Variants in VAMP7 observed in about 807,000 individuals in gnomAD.
The protein encoded by VAMP7 is vesicle associated membrane protein 7, also known as vesicle-associated membrane protein 7.
In VAMP7, 14 loss-of-function variants were observed where a neutral mutation model predicts 29.6. That is an observed-to-expected ratio of 0.47 (90% CI 0.31 to 0.74). VAMP7 has a LOEUF of 0.74. Among genes scored for constraint, VAMP7 ranks in the 30% least tolerant of loss-of-function variants. The pLI, the probability that VAMP7 is intolerant of heterozygous loss-of-function variation, is 0.05. For missense variants in VAMP7, 223 were observed against 262.4 expected (o/e 0.85, Z 1.04); for synonymous variants, 95 against 88.1 (o/e 1.08, Z -0.44).
At chrX:155,922,571 C>T (rs1489564588) in intron 6 of VAMP7, among the ~76,000 whole-genome samples, 1 of 152,038 alleles carries the variant, frequency 6.6e-6, no homozygotes, top group Non-Finnish European at 1.5e-5. Flanking sequence ...TCATGACTTA[C>T]TACCCTTCTT....
At position 155,919,815 on chromosome X, in the gene VAMP7, C is replaced by T; in HGVS notation, c.436C>T (p.Leu146=). Residue 146 remains leucine, a splice_region_variant and synonymous_variant, in exon 6 of 8, where the codon CTG becomes TTG. Coordinates refer to ENST00000286448, the MANE Select transcript of VAMP7 (RefSeq NM_005638.6). ...TTCTACTTTTCCAATATTTTCAGAT[C>T]TGGTAGCTCAGCGAGGAGAAAGATT... ...LKGIMVRNID[L]VAQRGERLEL... 6.2e-7 allele frequency: 1 copy of T among 1,612,052 alleles called. No homozygotes were observed. Among genetic ancestry groups the T allele is most frequent in the Middle Eastern group, 1.7e-4 (1 of 6,054 alleles).
intron 6 of VAMP7, among the ~76,000 whole-genome samples, chrX:155,923,871 C>T (rs752714563): frequency 1.3e-5 from 2 of 152,170 alleles, no homozygotes; most frequent in South Asian, 2.1e-4. Context: ...AGTTTACTTA[C>T]CTTTTCTTCT....
At chrX:155,916,671 T>C (rs2066318275) in intron 5 of VAMP7, among the ~76,000 whole-genome samples, 1 of 152,178 alleles carries the variant, frequency 6.6e-6, no homozygotes, top group Non-Finnish European at 1.5e-5. Context: ...TTTAAGAATG[T>C]TGAATATTCG....
At chrX:155,920,194 C>T (rs2066375230) in intron 6 of VAMP7, among the ~76,000 whole-genome samples, 2 of 152,128 alleles carry the variant, frequency 1.3e-5, no homozygotes, top group African/African-American at 4.8e-5. Context: ...GTTCCCTTTA[C>T]AAATTTGTAA....
chrX:155,939,422 C>T (rs1317195619), intron 6 of VAMP7, among the ~76,000 whole-genome samples: 1 of 152,138 alleles, frequency 6.6e-6, no homozygotes, highest in African/African-American at 2.4e-5. Context: ...TTCTTTTCCA[C>T]TAGCGGGAAG....
intron 7 of VAMP7, among the ~76,000 whole-genome samples, chrX:155,941,460 T>G (rs1400096610): frequency 2.6e-5 from 4 of 152,178 alleles, no homozygotes; most frequent in African/African-American, 9.6e-5. Context: ...TTTTAAAATA[T>G]ATTCTTATAT....
intron 4 of VAMP7, among the ~76,000 whole-genome samples, chrX:155,898,639 A>C (rs1189189701): frequency 6.6e-6 from 1 of 152,048 alleles, no homozygotes; most frequent in African/African-American, 2.4e-5. Flanking sequence ...AACTCTCCTC[A>C]TCTGTATGAA....
At chrX:155,908,492 C>G (rs902516307) in intron 5 of VAMP7, among the ~76,000 whole-genome samples, 1 of 152,046 alleles carries the variant, frequency 6.6e-6, no homozygotes, top group Non-Finnish European at 1.5e-5. Flanking sequence ...AGCAGTAGTA[C>G]AGTCCAGCTT....
intron 5 of VAMP7, among the ~76,000 whole-genome samples, chrX:155,914,387 T>G (rs1165511679): frequency 2.8e-4 from 43 of 152,166 alleles, no homozygotes. Flanking sequence ...GGACAGAACT[T>G]CCAATACTAT....
At chrX:155,886,003 G>A (rs2065860974) in intron 1 of VAMP7, among the ~76,000 whole-genome samples, 1 of 152,204 alleles carries the variant, frequency 6.6e-6, no homozygotes, top group East Asian at 1.9e-4. Context: ...GATGGTGGCT[G>A]TGGGACCAAG....
intron 6 of VAMP7, among the ~76,000 whole-genome samples, chrX:155,939,244 G>A (rs2066707933): frequency 6.6e-6 from 1 of 152,116 alleles, no homozygotes; most frequent in Admixed American, 6.5e-5. Flanking sequence ...AAGGAATGAA[G>A]TTCTATGGGT....
rs1389882412 is a variant in VAMP7, at chrX:155,904,210, TG to T, written c.433+3629del. On this transcript the variant is annotated intron_variant, in intron 5 of 7. Transcript: ENST00000286448. ...TCACACTCTGGGGACTGTTGTGGGG[TG>T]GGGGGAGGGGGAAGGATAGCTTTAG... 4.8e-5 allele frequency among the ~76,000 whole-genome samples: 3 copies of T among 62,126 alleles called. 1 individual carries two copies. Among genetic ancestry groups the T allele is most frequent in the African/African-American group, 6.6e-5 (1 of 15,160 alleles). 40.8% of individuals were successfully genotyped at this position (62,126 alleles called of 152,430 possible).
chrX:155,902,414 G>C (rs1355978347), intron 5 of VAMP7, among the ~76,000 whole-genome samples: 1 of 149,280 alleles, frequency 6.7e-6, no homozygotes, highest in Non-Finnish European at 1.5e-5. Context: ...TGTTGAATAG[G>C]AGTGGTGAGA....
chrX:155,930,663 A>G (rs781017621), intron 6 of VAMP7, among the ~76,000 whole-genome samples: 4 of 149,642 alleles, frequency 2.7e-5, no homozygotes, highest in African/African-American at 9.8e-5. Context: ...AAAAAAAAAA[A>G]ATTTTTTTTC....
intron 6 of VAMP7, among the ~76,000 whole-genome samples, chrX:155,926,601 C>T (rs2066470742): frequency 6.6e-6 from 1 of 152,196 alleles, no homozygotes; most frequent in South Asian, 2.1e-4. Flanking sequence ...TCCATATCAG[C>T]AGTAAGTCTG....
intron 6 of VAMP7, among the ~76,000 whole-genome samples, chrX:155,928,062 A>C (rs2066497038): frequency 3.3e-5 from 5 of 151,856 alleles, no homozygotes; most frequent in Admixed American, 6.6e-5. Context: ...TAGGAGGACC[A>C]CAGGCATGCG....
chrX:155,931,397 G>A (rs927743085), intron 6 of VAMP7, among the ~76,000 whole-genome samples: 6 of 152,014 alleles, frequency 3.9e-5, no homozygotes, highest in African/African-American at 9.7e-5. Context: ...TTTAATGATC[G>A]CCATTCTAAC....
intron 5 of VAMP7, among the ~76,000 whole-genome samples, chrX:155,914,907 C>T (rs1195681519): frequency 2.6e-5 from 4 of 152,162 alleles, no homozygotes; most frequent in Non-Finnish European, 5.9e-5. Flanking sequence ...CCCTCTTCTT[C>T]TGTTGTTTGG....
At chrX:155,932,336 A>G (rs1603012926) in intron 6 of VAMP7, among the ~76,000 whole-genome samples, 3 of 152,304 alleles carry the variant, frequency 2.0e-5, no homozygotes, top group Admixed American at 2.0e-4. Context: ...CTTCCTATCC[A>G]TGAGCATGGA....
Sources: allele counts gnomAD v4.1 joint callset (sites outside exome capture counted in the v4.1 genomes callset), GRCh38; gene constraint gnomAD v4.1.1; transcripts MANE v1.5; gene names NCBI Gene and HGNC (gene_info 2026-07-23, HGNC 2026-07-21).